The following ATM variants were observed in gnomAD, a reference collection of about 807,000 sequenced individuals.
ATM encodes the protein serine-protein kinase ATM.
Under a neutral mutation model 387.0 loss-of-function variants are expected in ATM, and 308 were observed. That is an observed-to-expected ratio of 0.80 (90% CI 0.73 to 0.87). The LOEUF is 0.87. Among genes scored for constraint, ATM ranks in the 40% least tolerant of loss-of-function variants. The pLI, the probability that ATM is intolerant of heterozygous loss-of-function variation, is 0.00. For missense variants in ATM, 3,312 were observed against 3,560.9 expected (o/e 0.93, Z 1.78); for synonymous variants, 1,156 against 1,187.3 (o/e 0.97, Z 0.54).
At chr11:108,325,268 T>A in intron 45 of ATM, 42 bp from the exon 46 acceptor site, 5 of 839,312 alleles carry the variant, frequency 6.0e-6, no homozygotes, top group Non-Finnish European at 5.4e-6. Flanking sequence ...TTTTTTTTTT[T>A]CATTTCTCTT....
intron 12 of ATM, 145 bp downstream of exon 12, chr11:108,253,057 T>C (rs962247862): frequency 8.8e-6 from 6 of 682,164 alleles, no homozygotes; most frequent in Non-Finnish European, 1.5e-5. Context: ...AGGGAAGAGG[T>C]TGTTTTAATT....
intron 37 of ATM, among the ~76,000 whole-genome samples, chr11:108,307,126 T>G (rs1371905970): frequency 6.6e-6 from 1 of 151,932 alleles, no homozygotes; most frequent in Admixed American, 6.6e-5. Context: ...CTTTCAGATA[T>G]CACTTTTTCT....
Position 108,366,696 on chromosome 11 carries a change from T to C in ATM, c.*1188T>C, listed in dbSNP as rs544263102. 5 of 231,370 alleles carry C rather than the reference T, an allele frequency of 2.2e-5. No individual in the cohort carries two copies. The highest frequency in any genetic ancestry group is 1.8e-4 in the South Asian group (1 of 5,524). The allele number at this position is 231,370 out of a possible 1,614,324, so 14.3% of individuals were successfully genotyped here. The stretch of plus-strand genomic sequence containing the variant: ...ACCTGAAGTGTAGCATAAATACTGA[T>C]AGGAGATTTCCCAGGCCAAGGCAAA... On this transcript the variant is annotated 3_prime_UTR_variant, in exon 63 of 63. Transcript: ENST00000675843.
chr11:108,353,849 G>A lies in ATM; in HGVS notation c.8755G>A (p.Gly2919Ser), dbSNP rs746746663. ...RLTRDIVDGM[G>S]ITGVEGVFRR... is the part of the protein sequence containing the mutation. Reference sequence around the variant, plus strand: ...CACCAGAGATATTGTGGATGGCATGGGCATTACGGGTGTTGAAGGTGTCTT... The same window carrying A: ...CACCAGAGATATTGTGGATGGCATGAGCATTACGGGTGTTGAAGGTGTCTT... Residue 2919 changes from glycine (G) to serine (S), a missense_variant, in exon 60 of 63, where the codon GGC (glycine) becomes AGC (serine). By Grantham distance (56) the Gly-to-Ser change is moderately conservative (BLOSUM62 0). Transcript: ENST00000675843. 2 of 1,613,764 alleles carry A rather than the reference G, an allele frequency of 1.2e-6. No homozygotes were observed. The highest frequency in any genetic ancestry group is 1.7e-6 in the Non-Finnish European group (2 of 1,179,872).
intron 3 of ATM, among the ~76,000 whole-genome samples, chr11:108,228,829 G>A (rs908535974): frequency 9.9e-5 from 15 of 152,280 alleles, no homozygotes; most frequent in African/African-American, 3.6e-4. Context: ...ATTACCAACT[G>A]CCTAAGAAAC....
At chr11:108,334,085 T>G in intron 54 of ATM, 117 bp downstream of exon 54, 2 of 759,620 alleles carry the variant, frequency 2.6e-6, no homozygotes, top group Non-Finnish European at 4.5e-6. Context: ...AAATTTCATA[T>G]GTTTCAACCT....
At chr11:108,365,241 C>T (rs2137891944) in intron 62 of ATM, 23 bp downstream of exon 62, 1 of 1,614,160 alleles carries the variant, frequency 6.2e-7, no homozygotes, top group Non-Finnish European at 8.5e-7. Flanking sequence ...TTAAGAAGGT[C>T]CTGTTGTCAG....
At chr11:108,301,937 C>A in intron 35 of ATM, 148 bp downstream of exon 35, 4 of 954,118 alleles carry the variant, frequency 4.2e-6, no homozygotes, top group South Asian at 1.6e-5. Flanking sequence ...TTTCATAAAT[C>A]CAGGGAATGT....
chr11:108,364,542 CT>C (rs1456362744), intron 61 of ATM, among the ~76,000 whole-genome samples: 1 of 152,132 alleles, frequency 6.6e-6, no homozygotes, highest in Non-Finnish European at 1.5e-5. Context: ...CAAATTATAC[CT>C]TTCTGGATCC....
At chr11:108,300,878 C>CTTTTTTT (rs11305754) in intron 34 of ATM, among the ~76,000 whole-genome samples, 1 of 102,674 alleles carries the variant, frequency 9.7e-6, no homozygotes, top group African/African-American at 3.4e-5. Flanking sequence ...TCATCTCTCT[C>CTTTTTTT]TTTTTTTTTT....
chr11:108,247,676 A>C (rs1054873792), intron 8 of ATM, among the ~76,000 whole-genome samples: 1 of 151,656 alleles, frequency 6.6e-6, no homozygotes, highest in Non-Finnish European at 1.5e-5. Flanking sequence ...GCTCACTGCA[A>C]CCTCCCTTTC....
rs28904921 is a variant in ATM, at chr11:108,329,202, T to G, written c.7271T>G (p.Val2424Gly). The G allele has an allele frequency of 6.4e-5, 104 of 1,613,824 alleles. No individual in the cohort carries two copies. Among genetic ancestry groups the G allele is most frequent in the Non-Finnish European group, 8.3e-5 (98 of 1,179,884 alleles). The change falls in exon 49 of 63, where the codon GTA becomes GGA. Residue 2424 changes from valine to glycine, a missense_variant. This residue lies in a region of ATM where 1,405 missense variants were observed against 1,604.4 expected (regional missense o/e 0.88). Transcript: ENST00000675843. ...QALLKRAKEE[V>G]GLLREHKIQT... ...CTCCTGAAAAGAGCCAAAGAGGAAG[T>G]AGGTCTCCTTAGGGAACATAAAATT...
At chr11:108,291,921 A>G (rs2082817031) in intron 29 of ATM, among the ~76,000 whole-genome samples, 1 of 152,142 alleles carries the variant, frequency 6.6e-6, no homozygotes, top group South Asian at 2.1e-4. Flanking sequence ...GTGCTTTTGA[A>G]TATACTAATT....
At position 108,281,855 on chromosome 11, in the gene ATM, C is replaced by T. The variant is rs1003623; in HGVS notation, c.3576+687C>T. ...TTTACCTCTCAGTATAAGACTTGTT[C>T]GGTGTTTCTTAAAAGTATACAAATA... On this transcript the variant is annotated intron_variant, in intron 24 of 62. Coordinates refer to ENST00000675843, the MANE Select transcript of ATM (RefSeq NM_000051.4). 0.53 allele frequency among the ~76,000 whole-genome samples: 79,852 copies of T among 151,984 alleles called. 21,787 individuals carry two copies. Among genetic ancestry groups the T allele is most frequent in the Middle Eastern group, 0.73 (215 of 294 alleles).
At chr11:108,246,128 A>G (rs920842884) in intron 7 of ATM, among the ~76,000 whole-genome samples, 1 of 152,134 alleles carries the variant, frequency 6.6e-6, no homozygotes, top group Non-Finnish European at 1.5e-5. Context: ...CCGGCCGTGT[A>G]GCCACTTTTT....
intron 57 of ATM, among the ~76,000 whole-genome samples, chr11:108,343,675 G>A (rs950041612): frequency 1.3e-5 from 2 of 152,106 alleles, no homozygotes; most frequent in Admixed American, 1.3e-4. Flanking sequence ...TGCCAGGCAC[G>A]ATGGCATGCA....
At chr11:108,223,519 T>G (rs2078591109) in intron 1 of ATM, 1 of 152,258 alleles carries the variant, frequency 6.6e-6, no homozygotes, top group Non-Finnish European at 1.5e-5. Context: ...GAGCATTTAT[T>G]GATATTTCAA....
rs2081562833 is a variant in ATM, at chr11:108,271,233, T to C, written c.2922-18T>C. 6.2e-7 allele frequency: 1 copy of C among 1,611,174 alleles called. No individual in the cohort carries two copies. The highest frequency in any genetic ancestry group is 8.5e-7 in the Non-Finnish European group (1 of 1,177,774). On this transcript the variant is annotated intron_variant, in intron 19 of 62. Transcript: ENST00000675843. Reference sequence around the variant, plus strand: ...GTTAAGCTTATAAAGTTGAACTTTTTTTTTTTTTTTACCACAGCAATGTGT... The same window carrying C: ...GTTAAGCTTATAAAGTTGAACTTTTCTTTTTTTTTTACCACAGCAATGTGT...
chr11:108,343,178 T>C (rs775135331), intron 56 of ATM, 44 bp from the exon 57 acceptor site: 8 of 1,612,130 alleles, frequency 5.0e-6, no homozygotes, highest in Non-Finnish European at 6.8e-6. Flanking sequence ...AAATGCTCTT[T>C]AATGGCCTTT....
Sources: gnomAD v4.1 joint callset for allele counts (sites outside exome capture counted in the v4.1 genomes callset) on GRCh38, gnomAD v4.1.1 for gene constraint, gnomAD v4.1.1 regional missense constraint, MANE v1.5 for transcripts, NCBI Gene and HGNC (gene_info 2026-07-23, HGNC 2026-07-21) for gene names.